KCNB2: variants seen among roughly 807,000 people sequenced by gnomAD.
KCNB2 encodes delayed rectifier potassium channel protein.
Under a neutral mutation model 61.5 loss-of-function variants are expected in KCNB2, and 15 were observed. The observed-to-expected ratio is 0.24, with a 90% CI of 0.16 to 0.38. The LOEUF is 0.38. Ranked by LOEUF, KCNB2 falls within the 10% of genes least tolerant of loss-of-function variation. The pLI, the probability that KCNB2 is intolerant of heterozygous loss-of-function variation, is 1.00. For missense variants in KCNB2, 828 were observed against 1,125.2 expected, an observed-to-expected ratio of 0.74 and a Z score of 3.78; for synonymous variants, 457 against 446.0, an observed-to-expected ratio of 1.02 and a Z score of -0.31.
intron 2 of KCNB2, among the ~76,000 whole-genome samples, chr8:72,710,944 A>T (rs569167437): frequency 6.6e-6 from 1 of 152,334 alleles, no homozygotes; most frequent in South Asian, 2.1e-4. Context: ...TATGAACTTC[A>T]TCGATCAACA....
intron 2 of KCNB2, among the ~76,000 whole-genome samples, chr8:72,857,619 A>T (rs529570834): frequency 6.6e-6 from 1 of 152,086 alleles, no homozygotes; most frequent in Non-Finnish European, 1.5e-5. Flanking sequence ...AGGTTGGTAG[A>T]TGAAGTGGAA....
rs1464689692 is a variant in KCNB2 at position 72,561,620 on chromosome 8, G to T, written c.-93-6022G>T. Among the ~76,000 whole-genome samples the T allele has an allele frequency of 2.1e-5, 3 of 141,846 alleles. No homozygotes were observed. In the East Asian group the frequency reaches 6.1e-4, roughly 29 times the overall value. 93.1% of individuals were successfully genotyped at this position (141,846 alleles called of 152,430 possible). On this transcript the variant is annotated intron_variant, in intron 1 of 2. Transcript: ENST00000523207. ...AAATTTATTAAATATTTCTGACCAGGTTCTAAAGTAATGCAGGTTGCAGGT... is the reference window on the plus strand; with the variant it reads ...AAATTTATTAAATATTTCTGACCAGTTTCTAAAGTAATGCAGGTTGCAGGT...
At chr8:72,555,824 A>T (rs1806417932) in intron 1 of KCNB2, among the ~76,000 whole-genome samples, 1 of 152,052 alleles carries the variant, frequency 6.6e-6, no homozygotes. Context: ...TTAGTTACAT[A>T]TGTATACATG....
At chr8:72,734,862 C>T (rs1175057308) in intron 2 of KCNB2, among the ~76,000 whole-genome samples, 1 of 152,170 alleles carries the variant, frequency 6.6e-6, no homozygotes. Context: ...CTCCCTTGTT[C>T]TTCCCCACCA....
At chr8:72,670,193 G>T (rs138817230) in intron 2 of KCNB2, among the ~76,000 whole-genome samples, 1 of 152,184 alleles carries the variant, frequency 6.6e-6, no homozygotes, top group Non-Finnish European at 1.5e-5. Context: ...AACCACCCAC[G>T]TGAACAATTC....
chr8:72,924,110 C>G (rs1402431525), intron 2 of KCNB2, among the ~76,000 whole-genome samples: 3 of 152,216 alleles, frequency 2.0e-5, no homozygotes, highest in Non-Finnish European at 4.4e-5. Context: ...ATTCTTTCAA[C>G]TACCAAGTTG....
chr8:72,768,865 A>G (rs1808513014), intron 2 of KCNB2, among the ~76,000 whole-genome samples: 1 of 152,032 alleles, frequency 6.6e-6, no homozygotes, highest in African/African-American at 2.4e-5. Context: ...ATTCTTTTGA[A>G]AATTAAGTGA....
intron 2 of KCNB2, among the ~76,000 whole-genome samples, chr8:72,838,045 A>G (rs10092623): frequency 6.6e-6 from 1 of 152,046 alleles, no homozygotes; most frequent in Admixed American, 6.5e-5. Flanking sequence ...AGTACTCATC[A>G]TTCATATTCT....
At chr8:72,596,411 A>G (rs1026328425) in intron 2 of KCNB2, among the ~76,000 whole-genome samples, 8 of 152,140 alleles carry the variant, frequency 5.3e-5, no homozygotes, top group African/African-American at 1.9e-4. Context: ...TAAGTTGTTT[A>G]CCCTCTCTGG....
At chr8:72,895,312 A>G (rs1179471787) in intron 2 of KCNB2, among the ~76,000 whole-genome samples, 1 of 152,160 alleles carries the variant, frequency 6.6e-6, no homozygotes, top group East Asian at 1.9e-4. Flanking sequence ...TGAAAGTGGG[A>G]GAGAGAGTCA....
intron 2 of KCNB2, among the ~76,000 whole-genome samples, chr8:72,777,005 C>T (rs565985567): frequency 6.6e-6 from 1 of 152,080 alleles, no homozygotes; most frequent in South Asian, 2.1e-4. Context: ...GGAATAGTCC[C>T]CCAGAAAATA....
At chr8:72,852,179 G>C (rs2129003411) in intron 2 of KCNB2, among the ~76,000 whole-genome samples, 1 of 152,338 alleles carries the variant, frequency 6.6e-6, no homozygotes, top group Non-Finnish European at 1.5e-5. Context: ...AGAATCACTT[G>C]AGCCTGGGAG....
chr8:72,594,637 A>G (rs565294557), intron 2 of KCNB2, among the ~76,000 whole-genome samples: 5 of 152,342 alleles, frequency 3.3e-5, no homozygotes, highest in East Asian at 1.9e-4. Context: ...AGCAAGCTCT[A>G]TGCTCATAAC....
At chr8:72,841,774 G>A (rs1352411459) in intron 2 of KCNB2, among the ~76,000 whole-genome samples, 1 of 152,150 alleles carries the variant, frequency 6.6e-6, no homozygotes, top group Non-Finnish European at 1.5e-5. Context: ...TTTGCACATT[G>A]ATTTTGTATC....
chr8:72,589,306 G>C (rs1185963550), intron 2 of KCNB2, among the ~76,000 whole-genome samples: 1 of 151,910 alleles, frequency 6.6e-6, no homozygotes, highest in Non-Finnish European at 1.5e-5. Flanking sequence ...GTCGTCTATT[G>C]TCTGTTTTGC....
At chr8:72,912,269 G>A (rs1321634339) in intron 2 of KCNB2, among the ~76,000 whole-genome samples, 2 of 151,966 alleles carry the variant, frequency 1.3e-5, no homozygotes, top group African/African-American at 2.4e-5. Context: ...TGTGGGGAGT[G>A]GAAAACCTCT....
chr8:72,581,224 A>G (rs1283348659), intron 2 of KCNB2, among the ~76,000 whole-genome samples: 1 of 152,168 alleles, frequency 6.6e-6, no homozygotes, highest in South Asian at 2.1e-4. Flanking sequence ...TGGCACAGTC[A>G]CACACCTATG....
intron 2 of KCNB2, among the ~76,000 whole-genome samples, chr8:72,731,392 C>G (rs1270289963): frequency 1.3e-5 from 2 of 152,188 alleles, no homozygotes; most frequent in African/African-American, 4.8e-5. Flanking sequence ...CAGAATCTGG[C>G]AATCCTCATT....
intron 2 of KCNB2, among the ~76,000 whole-genome samples, chr8:72,783,093 C>A (rs184945224): frequency 1.3e-5 from 2 of 152,296 alleles, no homozygotes; most frequent in African/African-American, 4.8e-5. Flanking sequence ...CAGAACTGTT[C>A]ACTGCAATAG....
Sources: allele counts gnomAD v4.1 joint callset (sites outside exome capture counted in the v4.1 genomes callset), GRCh38; gene constraint gnomAD v4.1.1; transcripts MANE v1.5; gene names NCBI Gene and HGNC (gene_info 2026-07-23, HGNC 2026-07-21).